TIAM2: variants seen among roughly 807,000 people sequenced by gnomAD.
TIAM2 encodes the protein TIAM Rac1 associated GEF 2.
A neutral mutation model predicts 152.9 loss-of-function variants in TIAM2; 80 were observed. That is an observed-to-expected ratio of 0.52 (90% CI 0.44 to 0.63). TIAM2 has a LOEUF of 0.63. Ranked by LOEUF, TIAM2 falls within the 30% of genes least tolerant of loss-of-function variation. The pLI, the probability that TIAM2 is intolerant of heterozygous loss-of-function variation, is 0.00. For synonymous variants in TIAM2, 804 were observed against 838.0 expected (o/e 0.96, Z 0.70); for missense variants, 1,965 against 2,120.1 (o/e 0.93, Z 1.44).
chr6:155,137,038 A>T, intron 4 of TIAM2, 139 bp from the exon 5 acceptor site: 1 of 899,422 alleles, frequency 1.1e-6, no homozygotes, highest in Non-Finnish European at 1.7e-6. Context: ...CTTGATGGTT[A>T]AAGATGTATT....
At chr6:155,191,978 C>T (rs1781216365) in intron 14 of TIAM2, among the ~76,000 whole-genome samples, 1 of 152,060 alleles carries the variant, frequency 6.6e-6, no homozygotes, top group Non-Finnish European at 1.5e-5. Flanking sequence ...TTTCAAAAGA[C>T]TTTGAAGATA....
rs146722551 is a variant in TIAM2 at position 155,137,512 on chromosome 6, C to T, written c.1530C>T (p.Ala510=). Residue 510 remains alanine, a synonymous_variant, in exon 5 of 27, where the codon GCC becomes GCT. Transcript: ENST00000682666. ...AGGAACAGGGGGTGGTCCGGAAGGC[C>T]GGGTGGCTCTTCTTCAAGCCCCTGG... ...FEKEQGVVRK[A]GWLFFKPLVT... The T allele has an allele frequency of 1.2e-4, 188 of 1,613,980 alleles. 1 individual carries two copies. Among genetic ancestry groups the T allele is most frequent in the Non-Finnish European group, 9.7e-5 (115 of 1,180,040 alleles).
Position 155,114,203 on chromosome 6 carries a change from G to A in TIAM2, c.-117-13287G>A, listed in dbSNP as rs140135247. Among the ~76,000 whole-genome samples the A allele has an allele frequency of 1.0e-3, 151 of 150,476 alleles. 1 individual carries two copies. The highest frequency in any genetic ancestry group is 3.6e-3 in the African/African-American group (147 of 41,048). Reference sequence around the variant, plus strand: ...TGAGTAGCTGGGATTACAGAGGCGTGCCACCACACCCAGCTAATATTTGTA... The same window carrying A: ...TGAGTAGCTGGGATTACAGAGGCGTACCACCACACCCAGCTAATATTTGTA... On this transcript the variant is annotated intron_variant, in intron 2 of 26. Transcript: ENST00000682666.
intron 2 of TIAM2, among the ~76,000 whole-genome samples, chr6:155,095,759 T>G (rs991925015): frequency 3.9e-5 from 6 of 152,158 alleles, no homozygotes; most frequent in African/African-American, 1.4e-4. Context: ...CTTGAACAAT[T>G]TTACTTCAGT....
chr6:155,113,241 C>T (rs1178617404), intron 2 of TIAM2, among the ~76,000 whole-genome samples: 2 of 152,062 alleles, frequency 1.3e-5, no homozygotes, highest in Non-Finnish European at 2.9e-5. Context: ...GTTGCCCCTG[C>T]CCACGGTGCC....
At chr6:155,188,491 C>T (rs754947854) in intron 14 of TIAM2, among the ~76,000 whole-genome samples, 5 of 152,162 alleles carry the variant, frequency 3.3e-5, no homozygotes, top group African/African-American at 9.7e-5. Flanking sequence ...AGGAAATGTC[C>T]GTAGGCTGTA....
At chr6:155,003,473 CTG>C (rs1423602757) in intron 1 of TIAM2, among the ~76,000 whole-genome samples, 1 of 152,058 alleles carries the variant, frequency 6.6e-6, no homozygotes, top group Non-Finnish European at 1.5e-5. Flanking sequence ...GAGTGAGACT[CTG>C]TCTCAAAAAA....
chr6:155,025,865 CACACACACACAG>C (rs963010367), intron 1 of TIAM2, among the ~76,000 whole-genome samples: 5 of 128,796 alleles, frequency 3.9e-5, no homozygotes, highest in African/African-American at 1.6e-4. Flanking sequence ...CACACACACA[CACACACACACAG>C]AAAAGAAAGA....
intron 20 of TIAM2, 22 bp downstream of exon 20, chr6:155,248,201 C>T (rs747598867): frequency 1.4e-5 from 22 of 1,607,736 alleles, no homozygotes; most frequent in African/African-American, 6.7e-5. Flanking sequence ...GCGGCACCTC[C>T]GGGCGAGGGC....
chr6:155,071,954 A>G (rs896722622), intron 1 of TIAM2, among the ~76,000 whole-genome samples: 2 of 151,918 alleles, frequency 1.3e-5, no homozygotes, highest in Admixed American at 6.6e-5. Flanking sequence ...ATGTGTTGTT[A>G]GGGAAGACGT....
chr6:155,092,088 G>A (rs1008020837), intron 2 of TIAM2, among the ~76,000 whole-genome samples: 1 of 150,374 alleles, frequency 6.7e-6, no homozygotes, highest in Non-Finnish European at 1.5e-5. Context: ...TTGTAGAGAC[G>A]AGGTCTTGCT....
At chr6:155,185,350 C>G (rs1781016234) in intron 14 of TIAM2, among the ~76,000 whole-genome samples, 2 of 152,054 alleles carry the variant, frequency 1.3e-5, no homozygotes, top group African/African-American at 4.8e-5. Flanking sequence ...TGGTCTTGAA[C>G]TCCTGACCTC....
Position 155,130,148 on chromosome 6 carries a change from G to T in TIAM2, c.925G>T (p.Gly309Trp). ...LRELYKDANL[G>W]SLSPSGIRLS... is the part of the protein sequence containing the mutation. Reference sequence around the variant, plus strand: ...GGAACTGTACAAAGATGCCAACCTGGGGAGCCTCTCCCCCTCAGGTATCCG... The same window carrying T: ...GGAACTGTACAAAGATGCCAACCTGTGGAGCCTCTCCCCCTCAGGTATCCG... Residue 309 changes from glycine to tryptophan, a missense_variant, in exon 4 of 27, where the codon GGG becomes TGG. By Grantham distance (184) the Gly-to-Trp change is radical (BLOSUM62 -2). Coordinates refer to ENST00000682666, the MANE Select transcript of TIAM2 (RefSeq NM_012454.4). 1 of 1,614,130 alleles carries T rather than the reference G, an allele frequency of 6.2e-7. No individual in the cohort carries two copies. Among genetic ancestry groups the T allele is most frequent in the Non-Finnish European group, 8.5e-7 (1 of 1,180,016 alleles).
chr6:155,128,224 C>G (rs1380894833), intron 3 of TIAM2, among the ~76,000 whole-genome samples: 1 of 152,088 alleles, frequency 6.6e-6, no homozygotes, highest in Non-Finnish European at 1.5e-5. Flanking sequence ...GTGAAGATAC[C>G]TGAAGTCTTT....
intron 6 of TIAM2, among the ~76,000 whole-genome samples, chr6:155,147,821 G>T (rs1445887603): frequency 6.6e-6 from 1 of 152,152 alleles, no homozygotes; most frequent in African/African-American, 2.4e-5. Flanking sequence ...TGTATCATGA[G>T]TGTGTCTCCC....
chr6:155,223,517 A>T (rs1279188814), intron 15 of TIAM2, among the ~76,000 whole-genome samples: 17 of 140,846 alleles, frequency 1.2e-4, no homozygotes, highest in African/African-American at 3.2e-4. Flanking sequence ...ACATCCCCAG[A>T]TTTTTTTTTC....
In TIAM2 at chr6:155,127,503, A is replaced by G. The variant is rs1308736790; in HGVS notation, c.-104A>G. 1 of 450,564 alleles carries G rather than the reference A, an allele frequency of 2.2e-6. No individual in the cohort carries two copies. Among genetic ancestry groups the G allele is most frequent in the African/African-American group, 2.0e-5 (1 of 49,746 alleles). 27.9% of individuals were successfully genotyped at this position (450,564 alleles called of 1,614,324 possible). On this transcript the variant is annotated 5_prime_UTR_variant, in exon 3 of 27. Coordinates refer to ENST00000682666, the MANE Select transcript of TIAM2 (RefSeq NM_012454.4). Reference sequence around the variant, plus strand: ...TCTGTTTTTCAGGCTCACTTCATGGACTCACTTTGCGTGCTTGTTAAATGT... The same window carrying G: ...TCTGTTTTTCAGGCTCACTTCATGGGCTCACTTTGCGTGCTTGTTAAATGT...
intron 1 of TIAM2, among the ~76,000 whole-genome samples, chr6:155,066,916 T>C (rs1777705125): frequency 6.6e-6 from 1 of 152,144 alleles, no homozygotes; most frequent in Non-Finnish European, 1.5e-5. Flanking sequence ...CCATCACGCC[T>C]GGCTAATTTT....
At chr6:155,005,115 A>G (rs1778376820) in intron 1 of TIAM2, 4 of 253,896 alleles carry the variant, frequency 1.6e-5, no homozygotes, top group Non-Finnish European at 3.2e-5. Flanking sequence ...TGCCCAAGGC[A>G]AGGCTCTCTC....
Sources: gnomAD v4.1 joint callset for allele counts (sites outside exome capture counted in the v4.1 genomes callset) on GRCh38, gnomAD v4.1.1 for gene constraint, MANE v1.5 for transcripts, NCBI Gene and HGNC (gene_info 2026-07-23, HGNC 2026-07-21) for gene names.